The following CLVS1 variants were observed in gnomAD, a reference collection of about 807,000 sequenced individuals.
CLVS1 encodes clavesin 1.
CLVS1 carries 10 observed loss-of-function variants against 33.1 expected under a neutral mutation model. The ratio of observed to expected loss-of-function variants is 0.30; its 90% CI spans 0.19 to 0.51. The LOEUF (loss-of-function observed/expected upper bound fraction) is 0.51, where lower values mean the gene tolerates loss of function less well. Among genes scored for constraint, CLVS1 ranks in the 20% least tolerant of loss-of-function variants. The pLI, the probability that CLVS1 is intolerant of heterozygous loss-of-function variation, is 0.97. For synonymous variants in CLVS1, 163 were observed against 166.1 expected, an observed-to-expected ratio of 0.98 and a Z score of 0.14; for missense variants, 343 against 433.4, an observed-to-expected ratio of 0.79 and a Z score of 1.85.
chr8:61,388,339 A>G (rs113317871), intron 3 of CLVS1, among the ~76,000 whole-genome samples: 2,797 of 149,798 alleles, frequency 0.019, 69 homozygotes, highest in African/African-American at 0.064. Flanking sequence ...GTTGATTCAG[A>G]CAGGAACACC....
chr8:61,034,872 T>A, the CLVS1 span, among the ~76,000 whole-genome samples: 1 of 150,234 alleles, frequency 6.7e-6, no homozygotes, highest in Non-Finnish European at 1.5e-5. Context: ...CAGATCAAAC[T>A]ATAATAAACA....
At chr8:61,042,395 C>T in the CLVS1 span, among the ~76,000 whole-genome samples, 1 of 152,196 alleles carries the variant, frequency 6.6e-6, no homozygotes, top group South Asian at 2.1e-4. Flanking sequence ...AGAAGACCTT[C>T]TTAGTCCATT....
chr8:61,117,880 G>A (rs931122264), intron 1 of CLVS1, among the ~76,000 whole-genome samples: 47 of 151,862 alleles, frequency 3.1e-4, no homozygotes, highest in African/African-American at 1.1e-3. Context: ...AATGATGCTG[G>A]CTTCATAAAA....
At chr8:61,090,341 C>T (rs4629861) in intron 1 of CLVS1, among the ~76,000 whole-genome samples, 14,597 of 152,124 alleles carry the variant, frequency 0.096, 999 homozygotes, top group African/African-American at 0.2. Context: ...ATCCTGTCCA[C>T]GCTGTCTGTG....
intron 3 of CLVS1, 68 bp from the exon 4 acceptor site, chr8:61,454,073 G>T: frequency 9.3e-7 from 1 of 1,070,684 alleles, no homozygotes; most frequent in Non-Finnish European, 1.5e-6. Context: ...TTGGGGCATT[G>T]GTCCTGCTGG....
chr8:61,151,987 G>A (rs1189091864), intron 2 of CLVS1, among the ~76,000 whole-genome samples: 1 of 152,158 alleles, frequency 6.6e-6, no homozygotes, highest in Non-Finnish European at 1.5e-5. Context: ...GCATGCCATG[G>A]AGGAGGATAT....
chr8:61,303,199 G>A (rs1810498582), intron 2 of CLVS1, among the ~76,000 whole-genome samples: 1 of 152,200 alleles, frequency 6.6e-6, no homozygotes, highest in South Asian at 2.1e-4. Flanking sequence ...CACACATAAA[G>A]AAATCAGCCA....
intron 2 of CLVS1, among the ~76,000 whole-genome samples, chr8:61,165,323 A>G (rs1278615201): frequency 2.0e-5 from 3 of 152,224 alleles, no homozygotes; most frequent in Non-Finnish European, 4.4e-5. Flanking sequence ...GTGCAGTTGC[A>G]AGATTTAATA....
chr8:61,254,662 TCTCAGACTG>T (rs1809034568), intron 2 of CLVS1, among the ~76,000 whole-genome samples: 1 of 152,112 alleles, frequency 6.6e-6, no homozygotes, highest in Admixed American at 6.5e-5. Context: ...TGCAGTTTGA[TCTCAGACTG>T]CTGTGCTAGT....
intron 2 of CLVS1, among the ~76,000 whole-genome samples, chr8:61,153,452 C>T (rs1307492666): frequency 2.0e-5 from 3 of 152,308 alleles, no homozygotes; most frequent in Admixed American, 1.3e-4. Flanking sequence ...AATGGCTCTC[C>T]CAGATGGTGG....
At chr8:61,222,074 T>C (rs1007088237) in intron 2 of CLVS1, among the ~76,000 whole-genome samples, 2 of 152,186 alleles carry the variant, frequency 1.3e-5, no homozygotes, top group Non-Finnish European at 2.9e-5. Flanking sequence ...TTCTCTCTTT[T>C]CTTCTTTATT....
rs143835992 is a variant in CLVS1, at chr8:61,376,797, G to T, written c.630+18G>T. The stretch of plus-strand genomic sequence containing the variant: ...GGTTGCAGGTATGTTCAATGAATGC[G>T]CAATACAAGACCATGTGTGGCAACA... On this transcript the variant is annotated intron_variant, in intron 3 of 5. Transcript: ENST00000325897. 1 of 1,606,244 alleles carries T rather than the reference G, an allele frequency of 6.2e-7. No homozygotes were observed.
chr8:61,285,233 T>C (rs1457164776), upstream of CLVS1, among the ~76,000 whole-genome samples: 1 of 152,194 alleles, frequency 6.6e-6, no homozygotes, highest in Non-Finnish European at 1.5e-5. Flanking sequence ...TGTTTGTAAA[T>C]ACTTATTTGC....
At chr8:61,479,814 A>C (rs2129608114) in intron 5 of CLVS1, among the ~76,000 whole-genome samples, 1 of 151,768 alleles carries the variant, frequency 6.6e-6, no homozygotes, top group Admixed American at 6.5e-5. Flanking sequence ...CAGGACCCTC[A>C]GCTGCAGGTC....
intron 2 of CLVS1, among the ~76,000 whole-genome samples, chr8:61,194,292 A>G (rs181553016): frequency 3.4e-4 from 51 of 152,196 alleles, no homozygotes; most frequent in Non-Finnish European, 6.9e-4. Flanking sequence ...AACCATTTAT[A>G]TGCTGTTGAA....
chr8:61,121,918 A>T (rs1429361190), intron 1 of CLVS1, among the ~76,000 whole-genome samples: 1 of 152,238 alleles, frequency 6.6e-6, no homozygotes, highest in African/African-American at 2.4e-5. Flanking sequence ...CCTTCGAGAA[A>T]AAAAGTGCCA....
Position 61,253,961 on chromosome 8 carries a change from G to A in CLVS1, c.-151-45716G>A, listed in dbSNP as rs139603484. Among the ~76,000 whole-genome samples the A allele has an allele frequency of 1.8e-3, 267 of 152,332 alleles. 7 individuals are homozygous for A. The East Asian group carries it at 0.047, about 27-fold the overall frequency. ...CATCCAGCTTTGTTCCGTTGCTGGT[G>A]AGGAGCTGCATTCCTTTGGAGGCGG... is the stretch of plus-strand genomic sequence containing the variant. On this transcript the variant is annotated intron_variant, in intron 2 of 2. Transcript: ENST00000522621.
chr8:61,450,981 T>C (rs994914401), intron 3 of CLVS1, among the ~76,000 whole-genome samples: 1 of 152,154 alleles, frequency 6.6e-6, no homozygotes, highest in Non-Finnish European at 1.5e-5. Context: ...GTATGATTCT[T>C]CCATGTGGTT....
At chr8:61,149,559 AAAAAAAAAAC>A (rs1192621106) in intron 2 of CLVS1, among the ~76,000 whole-genome samples, 1 of 149,788 alleles carries the variant, frequency 6.7e-6, no homozygotes, top group Non-Finnish European at 1.5e-5. Context: ...CTCAAAAAAA[AAAAAAAAAAC>A]AAAAAACAAA....
Sources: gnomAD v4.1 joint callset for allele counts (sites outside exome capture counted in the v4.1 genomes callset) on GRCh38, gnomAD v4.1.1 for gene constraint, MANE v1.5 for transcripts, NCBI Gene and HGNC (gene_info 2026-07-23, HGNC 2026-07-21) for gene names.